FRAS1: variants seen among roughly 807,000 people sequenced by gnomAD.
FRAS1 encodes extracellular matrix organizing protein FRAS1.
A neutral mutation model predicts 435.2 loss-of-function variants in FRAS1; 290 were observed. That is an observed-to-expected ratio of 0.67 (90% CI 0.61 to 0.73). The LOEUF (loss-of-function observed/expected upper bound fraction) is 0.73. Ranked by LOEUF, FRAS1 falls within the 30% of genes least tolerant of loss-of-function variation. The pLI, the probability that FRAS1 is intolerant of heterozygous loss-of-function variation, is 0.00. For missense variants in FRAS1, 4,860 were observed against 5,001.5 expected (o/e 0.97, Z 0.85); for synonymous variants, 1,800 against 1,851.0 (o/e 0.97, Z 0.71).
chr4:78,407,078 T>C (rs1733128381), intron 30 of FRAS1, among the ~76,000 whole-genome samples: 1 of 152,244 alleles, frequency 6.6e-6, no homozygotes, highest in Non-Finnish European at 1.5e-5. Flanking sequence ...ATGTTTAGAC[T>C]TGGGTCCTGA....
At chr4:78,168,555 ATT>A (rs1721428170) in intron 2 of FRAS1, among the ~76,000 whole-genome samples, 1 of 151,830 alleles carries the variant, frequency 6.6e-6, no homozygotes, top group Non-Finnish European at 1.5e-5. Flanking sequence ...GGGAAATGCC[ATT>A]TTTATTACTG....
chr4:78,306,872 G>C (rs917552253), intron 14 of FRAS1, among the ~76,000 whole-genome samples: 1 of 152,220 alleles, frequency 6.6e-6, no homozygotes, highest in Non-Finnish European at 1.5e-5. Context: ...GCTCGTCAAA[G>C]TCATTCTCCA....
chr4:78,405,409 T>C (rs1263378531), intron 30 of FRAS1, among the ~76,000 whole-genome samples: 1 of 152,174 alleles, frequency 6.6e-6, no homozygotes, highest in Admixed American at 6.5e-5. Flanking sequence ...TAATGGAATT[T>C]TTTTCTACTT....
rs375408531 is a variant in FRAS1, at chr4:78,464,497, G to T, written c.6943G>T (p.Val2315Leu). 6.2e-7 allele frequency: 1 copy of T among 1,613,940 alleles called. No homozygotes were observed. The highest frequency in any genetic ancestry group is 1.7e-5 in the Admixed American group (1 of 60,032). The part of the protein sequence containing the change: ...LHPVDDSLPV[V>L]QNLGMRVQEG... ...CCCTGTCGATGATTCGCTGCCCGTCGTACAGAACTTAGGAATGCGGGTGCA... is the reference window on the plus strand; with the variant it reads ...CCCTGTCGATGATTCGCTGCCCGTCTTACAGAACTTAGGAATGCGGGTGCA... Residue 2315 changes from valine (V) to leucine (L), a missense_variant, in exon 49 of 74, where the codon GTA becomes TTA. By Grantham distance (32) the Val-to-Leu change is conservative (BLOSUM62 1). Coordinates refer to ENST00000512123, the MANE Select transcript of FRAS1 (RefSeq NM_025074.7).
intron 3 of FRAS1, among the ~76,000 whole-genome samples, chr4:78,239,889 C>T (rs986037087): frequency 3.9e-5 from 6 of 152,134 alleles, no homozygotes; most frequent in Non-Finnish European, 8.8e-5. Flanking sequence ...AATTGCAAAT[C>T]TCTGCCCCCT....
At chr4:78,286,129 C>T in intron 13 of FRAS1, 1 of 530,406 alleles carries the variant, frequency 1.9e-6, no homozygotes, top group South Asian at 1.7e-5. Flanking sequence ...TTTAATCTCC[C>T]TGAGTCTGTT....
chr4:78,233,421 T>C (rs1185512174), intron 2 of FRAS1, among the ~76,000 whole-genome samples: 1 of 152,222 alleles, frequency 6.6e-6, no homozygotes, highest in East Asian at 1.9e-4. Flanking sequence ...AATTAAGTAA[T>C]AATTTCACTC....
rs992382292 is a variant in FRAS1, at chr4:78,420,912, A to G, written c.4541-951A>G. On this transcript the variant is annotated intron_variant, in intron 33 of 73. Coordinates refer to ENST00000512123, the MANE Select transcript of FRAS1 (RefSeq NM_025074.7). ...TATATATATATATATATATATATAT[A>G]TATATATATTTATATAAAGGGGAGT... is the stretch of plus-strand genomic sequence containing the variant. 2.3e-5 allele frequency among the ~76,000 whole-genome samples: 2 copies of G among 87,840 alleles called. 1 individual carries two copies. Among genetic ancestry groups the G allele is most frequent in the African/African-American group, 7.7e-5 (2 of 26,078 alleles). The allele number at this position is 87,840 out of a possible 152,430, so 57.6% of individuals were successfully genotyped here.
rs749885754 is a variant in FRAS1 at position 78,429,138 on chromosome 4, T to A, written c.4755T>A (p.Ile1585=). 4 of 1,578,586 alleles carry A rather than the reference T, an allele frequency of 2.5e-6. No individual in the cohort carries two copies. Among genetic ancestry groups the A allele is most frequent in the Non-Finnish European group, 3.4e-6 (4 of 1,162,034 alleles). ...EHTSPEMVLT[I]HLLPSDQQLP... is the part of the protein sequence containing the mutation. ...CAAGTCCGGAGATGGTCCTCACCAT[T>A]CACTTACTTCCCAGTGATCAGCAAC... The change falls in exon 36 of 74, where the codon ATT becomes ATA. Residue 1585 remains isoleucine, a synonymous_variant. Transcript: ENST00000512123.
intron 58 of FRAS1, among the ~76,000 whole-genome samples, chr4:78,487,115 A>G (rs1046776175): frequency 6.6e-6 from 1 of 152,030 alleles, no homozygotes; most frequent in African/African-American, 2.4e-5. Context: ...TTGTCCTCCT[A>G]TGCTGGGCGA....
At chr4:78,509,057 GTTGTTCT>G (rs146398969) in intron 63 of FRAS1, 51 bp downstream of exon 63, 293,626 of 1,581,196 alleles carry the variant, frequency 0.19, 30,775 homozygotes, top group Non-Finnish European at 0.22. Context: ...GAGAACTGGT[GTTGTTCT>G]TTGTTACTCA....
chr4:78,174,835 G>A (rs986090998), intron 2 of FRAS1, among the ~76,000 whole-genome samples: 1 of 152,220 alleles, frequency 6.6e-6, no homozygotes, highest in Admixed American at 6.5e-5. Flanking sequence ...TACCTGTGTA[G>A]GAATAGTTGT....
intron 9 of FRAS1, among the ~76,000 whole-genome samples, chr4:78,274,831 T>A (rs372443259): frequency 6.6e-6 from 1 of 152,328 alleles, no homozygotes; most frequent in African/African-American, 2.4e-5. Context: ...CTATTAGGTC[T>A]GCTTGGTGCA....
chr4:78,301,920 C>T (rs1271944783), intron 14 of FRAS1, among the ~76,000 whole-genome samples: 14 of 137,532 alleles, frequency 1.0e-4, no homozygotes, highest in Non-Finnish European at 1.7e-4. Flanking sequence ...TAGTTACATA[C>T]GTATACATGT....
At chr4:78,191,191 C>A (rs1452190356) in intron 2 of FRAS1, among the ~76,000 whole-genome samples, 1 of 152,214 alleles carries the variant, frequency 6.6e-6, no homozygotes, top group African/African-American at 2.4e-5. Flanking sequence ...ATAGCACCCT[C>A]AGCAAACTAA....
chr4:78,438,319 C>G (rs979362471), intron 38 of FRAS1, among the ~76,000 whole-genome samples: 4 of 152,020 alleles, frequency 2.6e-5, no homozygotes, highest in African/African-American at 9.7e-5. Context: ...ATGCCACATA[C>G]CTAAAGTGCA....
At chr4:78,079,507 G>A (rs1449112237) in intron 2 of FRAS1, among the ~76,000 whole-genome samples, 1 of 152,164 alleles carries the variant, frequency 6.6e-6, no homozygotes, top group Non-Finnish European at 1.5e-5. Flanking sequence ...ACTAGCTTAA[G>A]CAAAGTCTGT....
intron 20 of FRAS1, among the ~76,000 whole-genome samples, chr4:78,356,096 A>G (rs410660): frequency 0.066 from 10,089 of 152,142 alleles, 627 homozygotes; most frequent in African/African-American, 0.17. Context: ...TGGGGCTCAT[A>G]CCACCTCTTA....
In FRAS1 at chr4:78,096,016, G is replaced by A. The variant is rs563878851; in HGVS notation, c.108+30000G>A. Among the ~76,000 whole-genome samples, 119 of 152,204 alleles carry A rather than the reference G, an allele frequency of 7.8e-4. 1 individual carries two copies. Among genetic ancestry groups the A allele is most frequent in the African/African-American group, 2.0e-3 (84 of 41,508 alleles). ...ATCTGAGACAAGGCAAGTCCCTTCC[G>A]CCTATGAGCCTGTAAAATCAAAAGC... is the stretch of plus-strand genomic sequence containing the variant. On this transcript the variant is annotated intron_variant, in intron 2 of 73. Coordinates refer to ENST00000512123, the MANE Select transcript of FRAS1 (RefSeq NM_025074.7).
Sources: gnomAD v4.1 joint callset for allele counts (sites outside exome capture counted in the v4.1 genomes callset) on GRCh38, gnomAD v4.1.1 for gene constraint, MANE v1.5 for transcripts, NCBI Gene and HGNC (gene_info 2026-07-23, HGNC 2026-07-21) for gene names.